The following CCDC158 variants were observed in gnomAD, a reference collection of about 807,000 sequenced individuals.
CCDC158 encodes coiled-coil domain containing 158, also known as coiled-coil domain-containing protein 158.
A neutral mutation model predicts 138.6 loss-of-function variants in CCDC158; 116 were observed. The observed-to-expected ratio is 0.84, with a 90% CI of 0.72 to 0.98. CCDC158 has a LOEUF of 0.98. CCDC158 is among the 50% of genes least tolerant of loss of function. The pLI, the probability that CCDC158 is intolerant of heterozygous loss-of-function variation, is 0.00. For missense variants in CCDC158, 1,265 were observed against 1,306.1 expected, an observed-to-expected ratio of 0.97 and a Z score of 0.48; for synonymous variants, 436 against 442.4, an observed-to-expected ratio of 0.99 and a Z score of 0.18.
chr4:76,394,066 T>G (rs763432954), intron 4 of CCDC158, among the ~76,000 whole-genome samples: 7 of 152,000 alleles, frequency 4.6e-5, no homozygotes, highest in Non-Finnish European at 1.0e-4. Context: ...TAAAGAACAG[T>G]TTGGAGGTCT....
chr4:76,319,658 A>G (rs1719823175), intron 24 of CCDC158, among the ~76,000 whole-genome samples: 1 of 151,170 alleles, frequency 6.6e-6, no homozygotes, highest in Non-Finnish European at 1.5e-5. Flanking sequence ...GATAAATATG[A>G]TACATCACAC....
In CCDC158 at chr4:76,396,383, T is replaced by C. The variant is rs1472164332; in HGVS notation, c.174A>G (p.Glu58=). The C allele has an allele frequency of 6.2e-7, 1 of 1,613,958 alleles. No homozygotes were observed. Among genetic ancestry groups the C allele is most frequent in the Non-Finnish European group, 8.5e-7 (1 of 1,179,862 alleles). The stretch of plus-strand genomic sequence containing the variant: ...TTTTTCTAGGAGAATCAAGTTCCAC[T>C]TCATATTTAGGGAAAAAAGGAACCT... ...LTQVPFFPKY[E]VELDSPRKII... Residue 58 remains glutamate (E), a synonymous_variant, in exon 4 of 25, where the codon GAA becomes GAG. Coordinates refer to ENST00000682701, the MANE Select transcript of CCDC158 (RefSeq NM_001394954.1).
intron 13 of CCDC158, among the ~76,000 whole-genome samples, chr4:76,361,618 G>T (rs28581624): frequency 2.0e-5 from 3 of 152,088 alleles, no homozygotes; most frequent in Non-Finnish European, 4.4e-5. Context: ...ACAGCAATGC[G>T]AGAAGGGACT....
At chr4:76,341,129 A>C (rs1299135263) in intron 18 of CCDC158, among the ~76,000 whole-genome samples, 1 of 152,156 alleles carries the variant, frequency 6.6e-6, no homozygotes, top group Non-Finnish European at 1.5e-5. Context: ...ATTTTTCATA[A>C]ATTATATCTT....
intron 19 of CCDC158, among the ~76,000 whole-genome samples, chr4:76,333,198 C>T (rs1424732170): frequency 1.3e-5 from 2 of 152,052 alleles, no homozygotes; most frequent in African/African-American, 4.8e-5. Context: ...TAATATTTTG[C>T]TACCTCAGGT....
At chr4:76,387,348 A>G (rs1238272335) in intron 4 of CCDC158, among the ~76,000 whole-genome samples, 3 of 152,118 alleles carry the variant, frequency 2.0e-5, no homozygotes, top group African/African-American at 7.2e-5. Flanking sequence ...CATTGCCTTG[A>G]AGGGAAGAAC....
rs1039156964 is a variant in CCDC158 at position 76,355,446 on chromosome 4, A to G, written c.2174-10T>C. The G allele has an allele frequency of 3.8e-6, 6 of 1,568,210 alleles. No individual in the cohort carries two copies. The highest frequency in any genetic ancestry group is 5.3e-6 in the Non-Finnish European group (6 of 1,139,922). On this transcript the variant is annotated splice_polypyrimidine_tract_variant and intron_variant, in intron 14 of 24. Transcript: ENST00000682701. Reference sequence around the variant, plus strand: ...ATTGCCACTTTCATAGCTGGAAAAAAAAAAGAGGCAAACTATGCCTTAGGT... The same window carrying G: ...ATTGCCACTTTCATAGCTGGAAAAAGAAAAGAGGCAAACTATGCCTTAGGT...
intron 18 of CCDC158, chr4:76,345,278 C>A (rs1202229351): frequency 4.2e-6 from 4 of 960,712 alleles, no homozygotes; most frequent in Non-Finnish European, 6.8e-6. Context: ...ACATGCTCAA[C>A]ATCGAAGCTG....
At chr4:76,323,489 C>G in intron 23 of CCDC158, 80 bp from the exon 24 acceptor site, 1 of 1,111,236 alleles carries the variant, frequency 9.0e-7, no homozygotes, top group Non-Finnish European at 1.3e-6. Context: ...AAAGGCTAAA[C>G]AATTTTTCTT....
chr4:76,401,516 G>C, intron 3 of CCDC158: 1 of 216,698 alleles, frequency 4.6e-6, no homozygotes, highest in Non-Finnish European at 9.2e-6. Flanking sequence ...AGAGAAGCAA[G>C]CCCTTGAACT....
chr4:76,411,602 C>T (rs945437597), intron 2 of CCDC158, among the ~76,000 whole-genome samples: 3 of 152,220 alleles, frequency 2.0e-5, no homozygotes, highest in Admixed American at 6.5e-5. Flanking sequence ...AAGCTACTTA[C>T]GATCGCATTT....
chr4:76,401,945 A>T (rs983802257), intron 3 of CCDC158: 2 of 152,304 alleles, frequency 1.3e-5, no homozygotes, highest in Admixed American at 6.5e-5. Context: ...GCATTTTAGG[A>T]TATATGAGCA....
At chr4:76,346,684 T>C (rs1578926466) in intron 18 of CCDC158, among the ~76,000 whole-genome samples, 1 of 152,132 alleles carries the variant, frequency 6.6e-6, no homozygotes, top group African/African-American at 2.4e-5. Flanking sequence ...CACTCTAGAC[T>C]GGTGACAGAA....
At chr4:76,379,663 TAA>T (rs1327380173) in intron 8 of CCDC158, among the ~76,000 whole-genome samples, 2 of 152,070 alleles carry the variant, frequency 1.3e-5, no homozygotes, top group Non-Finnish European at 1.5e-5. Flanking sequence ...AATGTCCATA[TAA>T]AAAGTTTTAA....
intron 2 of CCDC158, among the ~76,000 whole-genome samples, chr4:76,406,710 A>G (rs1728854700): frequency 6.6e-6 from 1 of 152,162 alleles, no homozygotes; most frequent in Non-Finnish European, 1.5e-5. Flanking sequence ...CTGGAAATTA[A>G]AAGGCCTTCT....
intron 22 of CCDC158, among the ~76,000 whole-genome samples, chr4:76,326,859 C>A (rs1720576886): frequency 1.3e-5 from 2 of 151,916 alleles, no homozygotes; most frequent in Admixed American, 6.6e-5. Context: ...AATTTATCAC[C>A]AGCAGATTTA....
intron 8 of CCDC158, among the ~76,000 whole-genome samples, chr4:76,382,121 G>GAT (rs1198578391): frequency 6.6e-6 from 1 of 152,220 alleles, no homozygotes; most frequent in African/African-American, 2.4e-5. Flanking sequence ...CTTTTCCCGT[G>GAT]ATAGCGAGTG....
intron 1 of CCDC158, among the ~76,000 whole-genome samples, chr4:76,420,468 T>C (rs1277383108): frequency 1.3e-5 from 2 of 152,110 alleles, no homozygotes; most frequent in Admixed American, 6.5e-5. Context: ...CCAGAACTCA[T>C]TGTGTTGCTG....
chr4:76,325,598 A>G (rs1720446702), intron 23 of CCDC158, among the ~76,000 whole-genome samples: 1 of 152,216 alleles, frequency 6.6e-6, no homozygotes, highest in Non-Finnish European at 1.5e-5. Context: ...TTTTAATAAA[A>G]TAGAGGCAAA....
Sources: allele counts gnomAD v4.1 joint callset (sites outside exome capture counted in the v4.1 genomes callset), GRCh38; gene constraint gnomAD v4.1.1; transcripts MANE v1.5; gene names NCBI Gene and HGNC (gene_info 2026-07-23, HGNC 2026-07-21).